SLIT3: variants seen among roughly 807,000 people sequenced by gnomAD.
SLIT3 encodes the protein slit guidance ligand 3.
A neutral mutation model predicts 184.0 loss-of-function variants in SLIT3; 68 were observed. The observed-to-expected ratio is 0.37, with a 90% CI of 0.30 to 0.45. The LOEUF (loss-of-function observed/expected upper bound fraction) is 0.45, where lower values mean the gene tolerates loss of function less well. Among genes scored for constraint, SLIT3 ranks in the 20% least tolerant of loss-of-function variants. SLIT3 has a pLI of 1.00. For missense variants in SLIT3, 1,707 were observed against 2,026.0 expected (o/e 0.84, Z 3.02); for synonymous variants, 831 against 828.6 (o/e 1.00, Z -0.05).
At chr5:168,907,369 C>A (rs956115899) in intron 4 of SLIT3, among the ~76,000 whole-genome samples, 2 of 152,166 alleles carry the variant, frequency 1.3e-5, no homozygotes, top group Non-Finnish European at 2.9e-5. Flanking sequence ...TTCCACGTTG[C>A]TGGTTGATTG....
intron 4 of SLIT3, among the ~76,000 whole-genome samples, chr5:169,189,524 T>C (rs1334642965): frequency 1.8e-5 from 2 of 114,134 alleles, no homozygotes; most frequent in East Asian, 2.5e-4. Context: ...CTTAGATAGA[T>C]GGGATATATA....
At chr5:168,697,246 G>A (rs1283718991) in intron 27 of SLIT3, among the ~76,000 whole-genome samples, 3 of 152,162 alleles carry the variant, frequency 2.0e-5, no homozygotes, top group South Asian at 2.1e-4. Context: ...TGAGGCCTTC[G>A]GGTCAACTTG....
At chr5:169,137,625 C>T (rs143748148) in intron 4 of SLIT3, among the ~76,000 whole-genome samples, 4 of 152,122 alleles carry the variant, frequency 2.6e-5, no homozygotes, top group African/African-American at 9.6e-5. Context: ...GACTTTGGTG[C>T]CCTGGGGAAT....
intron 4 of SLIT3, among the ~76,000 whole-genome samples, chr5:168,907,340 C>T (rs1372907402): frequency 1.3e-5 from 2 of 152,198 alleles, no homozygotes; most frequent in African/African-American, 2.4e-5. Context: ...AGCCTAATTC[C>T]TTTCTATCCT....
chr5:168,818,448 G>A (rs988631103), intron 7 of SLIT3, among the ~76,000 whole-genome samples: 13 of 152,140 alleles, frequency 8.5e-5, no homozygotes, highest in African/African-American at 3.1e-4. Flanking sequence ...GATATTCCAG[G>A]TTCTTCCCCC....
rs528913237 is a variant in SLIT3, at chr5:168,804,671, G to A, written c.935+1775C>T. 2.8e-4 allele frequency among the ~76,000 whole-genome samples: 43 copies of A among 152,308 alleles called. No individual in the cohort carries two copies. In the South Asian group the frequency reaches 5.8e-3, roughly 21 times the overall value. On this transcript the variant is annotated intron_variant, in intron 9 of 35. Coordinates refer to ENST00000519560, the MANE Select transcript of SLIT3 (RefSeq NM_003062.4). ...CCAGCTCCTGCCTGCCAGAGGGTGC[G>A]GAGGCATGGGTTGTGTCTACTATGG...
chr5:169,206,482 G>A (rs1415494704), intron 3 of SLIT3, among the ~76,000 whole-genome samples: 6 of 152,170 alleles, frequency 3.9e-5, no homozygotes, highest in Non-Finnish European at 8.8e-5. Context: ...CTAGCTAGTA[G>A]ATATCAGGGA....
chr5:168,687,279 C>CCCATGGCCTTTGTTCCATTCATGGTGGGG (rs1561874728), intron 29 of SLIT3, among the ~76,000 whole-genome samples, 163 bp from the exon 30 acceptor site: 3 of 152,256 alleles, frequency 2.0e-5, no homozygotes, highest in African/African-American at 7.2e-5. Context: ...TCCCTGGTGG[C>CCCATGGCCTTTGTTCCATTCATGGTGGGG]CCATGGCCTT....
At chr5:169,143,262 TAC>T (rs1431036811) in intron 4 of SLIT3, among the ~76,000 whole-genome samples, 1 of 152,242 alleles carries the variant, frequency 6.6e-6, no homozygotes, top group Non-Finnish European at 1.5e-5. Flanking sequence ...ATTCTGGATT[TAC>T]AGTTTGCTAA....
intron 1 of SLIT3, among the ~76,000 whole-genome samples, chr5:169,258,324 A>G (rs1023946209): frequency 3.3e-5 from 5 of 152,346 alleles, no homozygotes; most frequent in Admixed American, 2.0e-4. Context: ...ACAAACAAAC[A>G]TAATAGAATT....
At chr5:168,775,864 C>T (rs4867905) in intron 12 of SLIT3, among the ~76,000 whole-genome samples, 55,182 of 151,814 alleles carry the variant, frequency 0.36, 10,654 homozygotes, top group African/African-American at 0.49. Flanking sequence ...GAGGATGCCA[C>T]GAGGGTGACA....
intron 1 of SLIT3, among the ~76,000 whole-genome samples, chr5:169,288,225 G>T (rs775411181): frequency 2.6e-5 from 4 of 152,082 alleles, no homozygotes; most frequent in Non-Finnish European, 5.9e-5. Context: ...TCTCAAATAA[G>T]GTCAGTGTTC....
At chr5:168,932,890 T>C (rs1476742759) in intron 4 of SLIT3, among the ~76,000 whole-genome samples, 1 of 152,250 alleles carries the variant, frequency 6.6e-6, no homozygotes, top group Non-Finnish European at 1.5e-5. Context: ...TGTGGTAGTC[T>C]GGCCCATAGA....
At chr5:168,866,554 C>T (rs1581159939) in intron 5 of SLIT3, among the ~76,000 whole-genome samples, 1 of 152,232 alleles carries the variant, frequency 6.6e-6, no homozygotes, top group East Asian at 1.9e-4. Flanking sequence ...ACACAGACAA[C>T]AGACACTTGC....
intron 12 of SLIT3, among the ~76,000 whole-genome samples, chr5:168,780,626 A>G (rs1233765576): frequency 2.0e-5 from 3 of 152,234 alleles, no homozygotes; most frequent in African/African-American, 7.2e-5. Context: ...CGCTTAGTGA[A>G]GACACCAACT....
rs1323715275 is a variant in SLIT3, at chr5:168,671,468, G to A, written c.3857C>T (p.Thr1286Ile). 6.2e-7 allele frequency: 1 copy of A among 1,611,050 alleles called. No individual in the cohort carries two copies. The highest frequency in any genetic ancestry group is 2.2e-5 in the East Asian group (1 of 44,748). ...GCCCTGGCGCAAGGCAGAGAGGCCG[G>A]TGGAGGTGGGGATGCCTGTGGGAGG... Reference protein sequence around the residue: ...PLYLGGIPTSTGLSALRQGTD... With the variant: ...PLYLGGIPTSIGLSALRQGTD... Residue 1286 changes from threonine (T) to isoleucine (I), a missense_variant, in exon 34 of 36, where the codon ACC becomes ATC. Transcript: ENST00000519560.
chr5:168,810,334 T>C (rs916509615), intron 8 of SLIT3, among the ~76,000 whole-genome samples: 3 of 152,240 alleles, frequency 2.0e-5, no homozygotes, highest in African/African-American at 7.2e-5. Flanking sequence ...GGCGGTCTCA[T>C]GACCCACACT....
At chr5:169,096,919 G>A (rs758771738) in intron 4 of SLIT3, among the ~76,000 whole-genome samples, 20 of 152,250 alleles carry the variant, frequency 1.3e-4, no homozygotes, top group Non-Finnish European at 1.9e-4. Flanking sequence ...TTACAATGTC[G>A]TCCTACTGTT....
chr5:168,951,623 T>A (rs570311060), intron 4 of SLIT3, among the ~76,000 whole-genome samples: 27 of 152,336 alleles, frequency 1.8e-4, no homozygotes, highest in African/African-American at 6.0e-4. Flanking sequence ...TAAACAATTT[T>A]TATTAGTAAG....
Sources: gnomAD v4.1 joint callset for allele counts (sites outside exome capture counted in the v4.1 genomes callset) on GRCh38, gnomAD v4.1.1 for gene constraint, MANE v1.5 for transcripts, NCBI Gene and HGNC (gene_info 2026-07-23, HGNC 2026-07-21) for gene names.